Variants in TANGO6 observed in about 807,000 individuals in gnomAD.
TANGO6 encodes transport and golgi organization 6 homolog, also known as transport and Golgi organization protein 6 homolog.
In TANGO6, 90 loss-of-function variants were observed where a neutral mutation model predicts 114.2. That is an observed-to-expected ratio of 0.79 (90% CI 0.66 to 0.94). TANGO6 has a LOEUF of 0.94. Among genes scored for constraint, TANGO6 ranks in the 40% least tolerant of loss-of-function variants. The pLI, the probability that TANGO6 is intolerant of heterozygous loss-of-function variation, is 0.00. For synonymous variants in TANGO6, 477 were observed against 509.8 expected, an observed-to-expected ratio of 0.94 and a Z score of 0.87; for missense variants, 1,274 against 1,315.3, an observed-to-expected ratio of 0.97 and a Z score of 0.49.
At chr16:68,917,919 ATT>A (rs542643969) in intron 11 of TANGO6, among the ~76,000 whole-genome samples, 50 of 137,286 alleles carry the variant, frequency 3.6e-4, no homozygotes, top group Admixed American at 7.3e-4. Context: ...TGCCTGGCTA[ATT>A]TTTTTTTTTT....
intron 15 of TANGO6, among the ~76,000 whole-genome samples, chr16:68,975,731 A>AT (rs1963759457): frequency 6.7e-6 from 1 of 148,618 alleles, no homozygotes; most frequent in Non-Finnish European, 1.5e-5. Flanking sequence ...TTAATTTTCT[A>AT]TTTTTTGTAG....
At position 68,960,650 on chromosome 16, in the gene TANGO6, G is replaced by A. The variant is rs150177681; in HGVS notation, c.2702-13378G>A. 4.0e-3 allele frequency among the ~76,000 whole-genome samples: 615 copies of A among 152,094 alleles called. 3 individuals carry two copies. The highest frequency in any genetic ancestry group is 0.014 in the African/African-American group (593 of 41,502). On this transcript the variant is annotated intron_variant, in intron 14 of 17. Coordinates refer to ENST00000261778, the MANE Select transcript of TANGO6 (RefSeq NM_024562.2). ...CAGGAAACTGGGATTGCAAGTGTAC[G>A]CCACCATGCCTGGCTAATTTTTGTA... is the stretch of plus-strand genomic sequence containing the variant.
At chr16:69,040,244 G>T (rs980137121) in intron 16 of TANGO6, 64 bp from the exon 17 acceptor site, 4 of 1,393,168 alleles carry the variant, frequency 2.9e-6, no homozygotes, top group South Asian at 1.2e-5. Context: ...GAACACAGTT[G>T]AAAGGTTATA....
At chr16:68,906,624 G>A (rs925527423) in intron 9 of TANGO6, among the ~76,000 whole-genome samples, 2 of 150,976 alleles carry the variant, frequency 1.3e-5, no homozygotes, top group South Asian at 4.2e-4. Flanking sequence ...TGTTACTTGA[G>A]TTCAGTGGCT....
At chr16:68,846,418 C>A in intron 1 of TANGO6, 1 of 255,550 alleles carries the variant, frequency 3.9e-6, no homozygotes, top group South Asian at 3.2e-5. Context: ...AAAACCTAGA[C>A]TCACATAGAT....
At chr16:69,035,529 A>G (rs1336806101) in intron 16 of TANGO6, 1 of 152,100 alleles carries the variant, frequency 6.6e-6, no homozygotes. Context: ...ATCTTTATTT[A>G]TATAGTTCTG....
chr16:69,030,705 CACAA>C (rs1959579681), intron 16 of TANGO6, among the ~76,000 whole-genome samples: 1 of 151,968 alleles, frequency 6.6e-6, no homozygotes, highest in Non-Finnish European at 1.5e-5. Flanking sequence ...TGGGTGCTGA[CACAA>C]AGAAAAGCAT....
intron 7 of TANGO6, among the ~76,000 whole-genome samples, chr16:68,886,284 A>G (rs1332919306): frequency 6.6e-6 from 1 of 150,532 alleles, no homozygotes; most frequent in Non-Finnish European, 1.5e-5. Context: ...GCACAATCTC[A>G]GCTCGCTGCA....
intron 15 of TANGO6, among the ~76,000 whole-genome samples, chr16:68,980,429 ATATATATT>A (rs1421508483): frequency 2.0e-4 from 13 of 63,554 alleles, no homozygotes; most frequent in East Asian, 4.8e-4. Context: ...ATATATATAT[ATATATATT>A]TTTTTTTTTT....
intron 11 of TANGO6, chr16:68,909,619 A>T (rs1962897410): frequency 2.7e-6 from 1 of 375,620 alleles, no homozygotes; most frequent in Non-Finnish European, 4.6e-6. Flanking sequence ...TCCCGAGGTG[A>T]TTCTCATGCA....
intron 7 of TANGO6, among the ~76,000 whole-genome samples, chr16:68,899,515 T>C (rs1361462040): frequency 6.6e-6 from 1 of 152,054 alleles, no homozygotes; most frequent in Admixed American, 6.6e-5. Context: ...CTTTTTTTTT[T>C]TTTTAATTTT....
chr16:68,962,086 G>A (rs1376010097), intron 14 of TANGO6, among the ~76,000 whole-genome samples: 3 of 152,156 alleles, frequency 2.0e-5, no homozygotes, highest in Non-Finnish European at 4.4e-5. Flanking sequence ...CATGCTAGAC[G>A]TAATCATTTA....
chr16:68,955,530 G>A (rs114021710), intron 14 of TANGO6, among the ~76,000 whole-genome samples: 1,870 of 152,302 alleles, frequency 0.012, 43 homozygotes, highest in African/African-American at 0.042. Flanking sequence ...GTTACTTGCA[G>A]CACTTATTAA....
chr16:68,904,005 T>G (rs1279772162), intron 9 of TANGO6, among the ~76,000 whole-genome samples: 1 of 152,224 alleles, frequency 6.6e-6, no homozygotes, highest in African/African-American at 2.4e-5. Flanking sequence ...TTTTTACTTT[T>G]CTGGAATTAA....
chr16:68,983,445 C>T (rs1963860272), intron 15 of TANGO6, among the ~76,000 whole-genome samples: 1 of 151,972 alleles, frequency 6.6e-6, no homozygotes, highest in African/African-American at 2.4e-5. Flanking sequence ...TGAGTAGCCA[C>T]TGAGTGGTTG....
intron 15 of TANGO6, among the ~76,000 whole-genome samples, chr16:69,016,339 G>A (rs531811995): frequency 2.3e-4 from 35 of 151,966 alleles, no homozygotes; most frequent in African/African-American, 7.7e-4. Context: ...GGGAGGTTGC[G>A]GTGAGCCGAG....
chr16:69,065,475 T>A (rs944779603), intron 17 of TANGO6, among the ~76,000 whole-genome samples: 2 of 152,186 alleles, frequency 1.3e-5, no homozygotes, highest in Non-Finnish European at 2.9e-5. Context: ...TCTCCCTTTT[T>A]CTCAGGAAAA....
rs201892018 is a variant in TANGO6 at position 68,881,523 on chromosome 16, AAAC to A, written c.1377+896_1377+898del. On this transcript the variant is annotated intron_variant, in intron 7 of 17. Coordinates refer to ENST00000261778, the MANE Select transcript of TANGO6 (RefSeq NM_024562.2). ...AGCGAGACTCTGTCTCCAAACAAAC[AAAC>A]AAAAAAAGAAATTGACAGGGGCTTT... 7.9e-5 allele frequency among the ~76,000 whole-genome samples: 12 copies of A among 152,284 alleles called. No individual in the cohort carries two copies. The East Asian group carries it at 2.3e-3, about 29-fold the overall frequency.
chr16:69,029,403 G>T (rs1597064354), intron 16 of TANGO6, among the ~76,000 whole-genome samples: 1 of 152,204 alleles, frequency 6.6e-6, no homozygotes, highest in Non-Finnish European at 1.5e-5. Flanking sequence ...TTGATACAAT[G>T]ATTTATTCAA....
Sources: allele counts gnomAD v4.1 joint callset (sites outside exome capture counted in the v4.1 genomes callset), GRCh38; gene constraint gnomAD v4.1.1; transcripts MANE v1.5; gene names NCBI Gene and HGNC (gene_info 2026-07-23, HGNC 2026-07-21).